FANCA: variants seen among roughly 807,000 people sequenced by gnomAD.
FANCA encodes FA complementation group A, also known as Fanconi anemia group A protein.
In FANCA, 236 loss-of-function variants were observed where a neutral mutation model predicts 194.3. That is an observed-to-expected ratio of 1.21 (90% CI 1.09 to 1.35). FANCA has a LOEUF of 1.35. FANCA is among the 40% of genes most tolerant of loss of function. The pLI, the probability that FANCA is intolerant of heterozygous loss-of-function variation, is 0.00. For missense variants in FANCA, 2,628 were observed against 1,813.9 expected (o/e 1.45, Z -8.15); for synonymous variants, 1,014 against 715.8 (o/e 1.42, Z -6.65).
intron 4 of FANCA, 46 bp downstream of exon 4, chr16:89,810,883 T>G (rs768732843): frequency 6.2e-7 from 1 of 1,614,084 alleles, no homozygotes; most frequent in Non-Finnish European, 8.5e-7. Context: ...CCAACCAGCT[T>G]AAAAGTAACA....
chr16:89,802,108 G>T (rs892214765), intron 8 of FANCA, among the ~76,000 whole-genome samples: 1 of 152,092 alleles, frequency 6.6e-6, no homozygotes, highest in Non-Finnish European at 1.5e-5. Context: ...ACACACAACG[G>T]AATACTGGTC....
intron 30 of FANCA, among the ~76,000 whole-genome samples, chr16:89,754,779 G>C (rs2038714483): frequency 6.6e-6 from 1 of 152,144 alleles, no homozygotes; most frequent in Admixed American, 6.5e-5. Context: ...GTTTCTATAC[G>C]TTAGCAACAA....
At chr16:89,762,613 T>G in intron 28 of FANCA, 1 of 234,190 alleles carries the variant, frequency 4.3e-6, no homozygotes, top group Non-Finnish European at 8.8e-6. Flanking sequence ...ACAACAACAT[T>G]CTACAGCTAT....
At chr16:89,761,044 C>T (rs563914014) in intron 29 of FANCA, among the ~76,000 whole-genome samples, 140 of 152,282 alleles carry the variant, frequency 9.2e-4, no homozygotes, top group Non-Finnish European at 1.6e-3. Flanking sequence ...TCTATACTCC[C>T]TGCTTCTAGA....
At chr16:89,757,367 G>A (rs900739286) in intron 30 of FANCA, among the ~76,000 whole-genome samples, 1 of 152,134 alleles carries the variant, frequency 6.6e-6, no homozygotes, top group Admixed American at 6.6e-5. Flanking sequence ...CCACGATGGA[G>A]GTGCGTCAGC....
Position 89,798,658 on chromosome 16 carries a change from C to A in FANCA, c.893+508G>T, listed in dbSNP as rs912601068. ...CTTCCGCCTCCCGACCTGTAAGGGT[C>A]TCCGCACATCTCCACAGAGCCATGG... On this transcript the variant is annotated intron_variant, in intron 10 of 42. Transcript: ENST00000389301. 1.9e-5 allele frequency: 23 copies of A among 1,239,412 alleles called. No individual in the cohort carries two copies. In the African/African-American group the frequency reaches 3.5e-4, roughly 19 times the overall value. 76.8% of individuals were successfully genotyped at this position (1,239,412 alleles called of 1,614,324 possible).
At position 89,778,161 on chromosome 16, in the gene FANCA, CA is replaced by C. The variant is rs35361961; in HGVS notation, c.1826+639del. On this transcript the variant is annotated intron_variant, in intron 20 of 42. Transcript: ENST00000389301. ...TGGGCAACAGAGTGAGACTTCATCT[CA>C]AAAAAAAAAAAAAAAAAAGGCCAGG... Among the ~76,000 whole-genome samples the C allele has an allele frequency of 3.1e-3, 148 of 47,998 alleles. 2 individuals are homozygous for C. The highest frequency in any genetic ancestry group is 3.2e-3 in the Non-Finnish European group (82 of 25,376). The allele number at this position is 47,998 out of a possible 152,430, so 31.5% of individuals were successfully genotyped here.
intron 27 of FANCA, among the ~76,000 whole-genome samples, chr16:89,766,453 T>C (rs1165034708): frequency 1.3e-5 from 2 of 151,740 alleles, no homozygotes; most frequent in African/African-American, 2.4e-5. Flanking sequence ...CTCACGCCTG[T>C]AATCCCAGCA....
intron 3 of FANCA, among the ~76,000 whole-genome samples, chr16:89,813,032 C>T (rs1236024489): frequency 1.6e-5 from 2 of 127,066 alleles, no homozygotes; most frequent in Non-Finnish European, 1.7e-5. Context: ...CACTTCGTCT[C>T]AAAAAAAAAA....
chr16:89,805,877 C>T (rs1009087958), intron 6 of FANCA, among the ~76,000 whole-genome samples: 2 of 151,934 alleles, frequency 1.3e-5, no homozygotes, highest in Admixed American at 1.3e-4. Flanking sequence ...ATGATTTCAG[C>T]CCTTCTAAAT....
rs1175213063 is a variant in FANCA at position 89,791,975 on chromosome 16, C to G, written c.1177G>C (p.Val393Leu). 1 of 1,614,208 alleles carries G rather than the reference C, an allele frequency of 6.2e-7. No homozygotes were observed. ...EVHWQRVLSF[V>L]SALVVCFPEA... ...GGAAAGCAGACAACCAGGGCAGACA[C>G]AAAGGAGAGCACTCTCTGCCAGTGA... is the stretch of plus-strand genomic sequence containing the variant. The change falls in exon 13 of 43, where the codon GTG becomes CTG. Residue 393 changes from valine to leucine, a missense_variant. Physicochemically the swap from Val to Leu is conservative, Grantham distance 32. Coordinates refer to ENST00000389301, the MANE Select transcript of FANCA (RefSeq NM_000135.4).
intron 36 of FANCA, among the ~76,000 whole-genome samples, chr16:89,744,337 T>G (rs1283739319): frequency 6.6e-6 from 1 of 152,154 alleles, no homozygotes; most frequent in East Asian, 1.9e-4. Context: ...GACGACCCCT[T>G]AAGAACACGG....
intron 14 of FANCA, among the ~76,000 whole-genome samples, chr16:89,787,756 C>A (rs1484930717): frequency 6.6e-6 from 1 of 151,998 alleles, no homozygotes; most frequent in Middle Eastern, 3.4e-3. Context: ...AACAAAAAAA[C>A]CCCACAAATT....
chr16:89,775,886 T>G (rs2039484153), intron 20 of FANCA, 71 bp from the exon 21 acceptor site: 2 of 940,500 alleles, frequency 2.1e-6, no homozygotes, highest in Non-Finnish European at 3.3e-6. Context: ...AATCCCCAAA[T>G]CTATTATAAA....
At chr16:89,801,103 T>C (rs2040434583) in intron 8 of FANCA, among the ~76,000 whole-genome samples, 1 of 150,628 alleles carries the variant, frequency 6.6e-6, no homozygotes, top group Non-Finnish European at 1.5e-5. Flanking sequence ...CCCAACACTT[T>C]GAGAGGCCAA....
In FANCA at chr16:89,784,863, C is replaced by A. The variant is rs770851522; in HGVS notation, c.1461G>T (p.Arg487=). Residue 487 remains arginine (R), a synonymous_variant, in exon 15 of 43, where the codon CGG becomes CGT. Coordinates refer to ENST00000389301, the MANE Select transcript of FANCA (RefSeq NM_000135.4). ...GCAGCCAGCTTCTCACCTGCAGGTACCGGGGAGACTCAAAAGGCACGAGTT... is the reference window on the plus strand; with the variant it reads ...GCAGCCAGCTTCTCACCTGCAGGTAACGGGGAGACTCAAAAGGCACGAGTT... ...LSELVPFESP[R]YLQVHILHPP... 6.2e-7 allele frequency: 1 copy of A among 1,612,770 alleles called. No homozygotes were observed. The highest frequency in any genetic ancestry group is 2.2e-5 in the East Asian group (1 of 44,900).
rs998782523 is a variant in FANCA at position 89,780,101 on chromosome 16, G to A, written c.1627-144C>T. The A allele has an allele frequency of 1.3e-5, 10 of 765,106 alleles. No individual in the cohort carries two copies. In the African/African-American group the frequency reaches 1.7e-4, roughly 13 times the overall value. The allele number at this position is 765,106 out of a possible 1,614,324, so 47.4% of individuals were successfully genotyped here. A position where few individuals can be genotyped will look rare whatever the true frequency, so the allele number is the denominator to read the frequency against. On this transcript the variant is annotated intron_variant, in intron 17 of 42. Transcript: ENST00000389301. ...TAAAGGCCCACATGCTGTGCGCACA[G>A]CAGGGGCCCTGGAGCACTCCAAAAT...
chr16:89,805,193 T>G, intron 7 of FANCA, 87 bp downstream of exon 7: 2 of 1,016,110 alleles, frequency 2.0e-6, no homozygotes, highest in Non-Finnish European at 3.0e-6. Flanking sequence ...CAGGCTGTTC[T>G]GCCTCGCAGA....
chr16:89,749,184 T>C (rs761299151), intron 32 of FANCA, among the ~76,000 whole-genome samples: 1 of 152,178 alleles, frequency 6.6e-6, no homozygotes, highest in Admixed American at 6.5e-5. Context: ...GAGCTCCTTC[T>C]GCGACGTCCC....
Sources: allele counts gnomAD v4.1 joint callset (sites outside exome capture counted in the v4.1 genomes callset), GRCh38; gene constraint gnomAD v4.1.1; transcripts MANE v1.5; gene names NCBI Gene and HGNC (gene_info 2026-07-23, HGNC 2026-07-21).